The following ZFYVE26 variants were observed in gnomAD, a reference collection of about 807,000 sequenced individuals.
ZFYVE26 encodes the protein zinc finger FYVE domain-containing protein 26.
In ZFYVE26, 181 loss-of-function variants were observed where a neutral mutation model predicts 276.5. That is an observed-to-expected ratio of 0.65 (90% CI 0.58 to 0.74). ZFYVE26 has a LOEUF of 0.74. Ranked by LOEUF, ZFYVE26 falls within the 30% of genes least tolerant of loss-of-function variation. ZFYVE26 has a pLI of 0.00. For missense variants in ZFYVE26, 2,821 were observed against 3,097.9 expected, an observed-to-expected ratio of 0.91 and a Z score of 2.12; for synonymous variants, 1,129 against 1,203.1, an observed-to-expected ratio of 0.94 and a Z score of 1.27.
intron 13 of ZFYVE26, chr14:67,733,725 C>T: frequency 9.8e-6 from 15 of 1,535,320 alleles, no homozygotes; most frequent in Non-Finnish European, 1.4e-5. Flanking sequence ...CTGGAATTTA[C>T]TGTCTTTCTC....
At chr14:67,752,124 T>C (rs2038662184) in intron 40 of ZFYVE26, among the ~76,000 whole-genome samples, 1 of 152,142 alleles carries the variant, frequency 6.6e-6, no homozygotes, top group Admixed American at 6.5e-5. Context: ...ATTTACACAA[T>C]GGGATGTTGA....
rs1347107396 is a variant in ZFYVE26 at position 67,805,317 on chromosome 14, T to C, written c.1183-12A>G. The C allele has an allele frequency of 1.9e-6, 3 of 1,613,946 alleles. No individual in the cohort carries two copies. The highest frequency in any genetic ancestry group is 2.2e-5 in the East Asian group (1 of 44,886). On this transcript the variant is annotated splice_polypyrimidine_tract_variant and intron_variant, in intron 7 of 41. Transcript: ENST00000347230. ...TCACAGCCTGGGCCCTATGTTGATA[T>C]GGGAGAAGAAAGAGATGCTGACTCA...
intron 12 of ZFYVE26, among the ~76,000 whole-genome samples, chr14:67,794,576 C>T (rs973924841): frequency 6.6e-6 from 1 of 152,168 alleles, no homozygotes; most frequent in Admixed American, 6.5e-5. Flanking sequence ...AAAATAAAAG[C>T]ACAACTGTTA....
At chr14:67,781,265 T>C (rs1438316071) in intron 22 of ZFYVE26, 68 bp downstream of exon 22, 2 of 1,565,752 alleles carry the variant, frequency 1.3e-6, no homozygotes, top group Non-Finnish European at 1.8e-6. Flanking sequence ...CCCCATCATA[T>C]AAGATAGGTT....
At chr14:67,786,874 C>T (rs539294404) in intron 16 of ZFYVE26, among the ~76,000 whole-genome samples, 1 of 152,252 alleles carries the variant, frequency 6.6e-6, no homozygotes, top group Non-Finnish European at 1.5e-5. Flanking sequence ...AGAATGAGAT[C>T]CAATCATTAG....
intron 14 of ZFYVE26, 23 bp from the exon 15 acceptor site, chr14:67,790,796 T>C (rs1008311225): frequency 3.1e-6 from 5 of 1,606,364 alleles, no homozygotes; most frequent in Admixed American, 1.7e-5. Flanking sequence ...AGGGAGTGTG[T>C]GGGCCCTGGT....
intron 13 of ZFYVE26, among the ~76,000 whole-genome samples, chr14:67,732,348 G>A (rs1183447823): frequency 1.3e-5 from 2 of 150,160 alleles, no homozygotes; most frequent in Non-Finnish European, 3.0e-5. Flanking sequence ...TAAGGTGGGA[G>A]GATGGCTTCA....
At chr14:67,784,115 C>T (rs1298527725) in intron 20 of ZFYVE26, among the ~76,000 whole-genome samples, 1 of 152,108 alleles carries the variant, frequency 6.6e-6, no homozygotes, top group Admixed American at 6.6e-5. Flanking sequence ...CAGAGTCACC[C>T]ACTGATTTCA....
At chr14:67,768,454 C>A in intron 30 of ZFYVE26, 63 bp downstream of exon 30, 1 of 1,561,768 alleles carries the variant, frequency 6.4e-7, no homozygotes, top group South Asian at 1.1e-5. Flanking sequence ...AGCTGATATG[C>A]TGAAGATAGA....
intron 32 of ZFYVE26, among the ~76,000 whole-genome samples, chr14:67,765,896 G>T (rs936293848): frequency 2.6e-5 from 4 of 152,166 alleles, no homozygotes; most frequent in African/African-American, 9.7e-5. Flanking sequence ...AAGCCAGAAA[G>T]TCCCACAGAG....
chr14:67,772,864 G>A (rs1019806458), intron 27 of ZFYVE26, among the ~76,000 whole-genome samples: 2 of 152,216 alleles, frequency 1.3e-5, no homozygotes, highest in African/African-American at 4.8e-5. Context: ...GGGAGGCTGA[G>A]GTGGGAGGAT....
chr14:67,782,628 C>T (rs2039530425), intron 21 of ZFYVE26, 152 bp downstream of exon 21: 11 of 1,343,922 alleles, frequency 8.2e-6, no homozygotes, highest in Middle Eastern at 1.9e-4. Context: ...GGCAAGTTTC[C>T]TAACCCCTCT....
chr14:67,752,145 C>G (rs546959622), intron 40 of ZFYVE26, among the ~76,000 whole-genome samples, 199 bp downstream of exon 40: 1 of 152,176 alleles, frequency 6.6e-6, no homozygotes, highest in Non-Finnish European at 1.5e-5. Context: ...GGGTCACCTT[C>G]TGGGTATAGA....
chr14:67,740,207 T>C (rs1241878260), intron 13 of ZFYVE26, among the ~76,000 whole-genome samples: 1 of 152,222 alleles, frequency 6.6e-6, no homozygotes, highest in Admixed American at 6.5e-5. Flanking sequence ...AAAATCACTA[T>C]GTTGTTATAG....
At chr14:67,764,718 G>A (rs1475198841) in intron 32 of ZFYVE26, among the ~76,000 whole-genome samples, 1 of 152,190 alleles carries the variant, frequency 6.6e-6, no homozygotes, top group Non-Finnish European at 1.5e-5. Context: ...CTGAATGCAG[G>A]ATCAGAGAAA....
At chr14:67,813,231 G>A (rs1394947066) in intron 3 of ZFYVE26, among the ~76,000 whole-genome samples, 1 of 152,160 alleles carries the variant, frequency 6.6e-6, no homozygotes, top group Non-Finnish European at 1.5e-5. Flanking sequence ...GTGTTAAGGT[G>A]GAAAAAGCAG....
chr14:67,779,222 A>G (rs1193162642), intron 23 of ZFYVE26, among the ~76,000 whole-genome samples: 1 of 141,960 alleles, frequency 7.0e-6, no homozygotes, highest in African/African-American at 3.0e-5. Context: ...TAAAACAACA[A>G]TGAGATACCA....
chr14:67,809,400 G>T, intron 3 of ZFYVE26, 111 bp from the exon 4 acceptor site: 14 of 595,134 alleles, frequency 2.4e-5, no homozygotes, highest in Non-Finnish European at 2.8e-5. Flanking sequence ...TCTCTAAGAT[G>T]AAGCACTCTT....
intron 5 of ZFYVE26, 114 bp downstream of exon 5, chr14:67,807,284 G>C: frequency 1.4e-6 from 2 of 1,427,024 alleles, no homozygotes; most frequent in East Asian, 4.6e-5. Flanking sequence ...TTTTTGCTTA[G>C]CCTCCCCTAT....
Sources: allele counts gnomAD v4.1 joint callset (sites outside exome capture counted in the v4.1 genomes callset), GRCh38; gene constraint gnomAD v4.1.1; transcripts MANE v1.5; gene names NCBI Gene and HGNC (gene_info 2026-07-23, HGNC 2026-07-21).